Variants in ORC2 observed in about 807,000 individuals in gnomAD.
ORC2 encodes the protein origin recognition complex subunit 2.
Under a neutral mutation model 77.7 loss-of-function variants are expected in ORC2, and 37 were observed. That is an observed-to-expected ratio of 0.48 (90% CI 0.37 to 0.63). The LOEUF is 0.63. Ranked by LOEUF, ORC2 falls within the 20% of genes least tolerant of loss-of-function variation. The pLI, the probability that ORC2 is intolerant of heterozygous loss-of-function variation, is 0.00. For missense variants in ORC2, 557 were observed against 661.9 expected (o/e 0.84, Z 1.74); for synonymous variants, 201 against 229.5 (o/e 0.88, Z 1.12).
chr2:200,921,138 A>G lies in ORC2; in HGVS notation c.1149T>C (p.Asp383=). The G allele has an allele frequency of 6.4e-7, 1 of 1,573,476 alleles. No individual in the cohort carries two copies. The highest frequency in any genetic ancestry group is 8.6e-7 in the Non-Finnish European group (1 of 1,156,858). The change falls in exon 14 of 18, where the codon GAT becomes GAC. Residue 383 remains aspartate, a splice_region_variant and synonymous_variant. Transcript: ENST00000234296. ...LDWIVNKFKE[D]SSLELFLLIH... is the part of the protein sequence containing the mutation. ...TGAGAAGGAAGAGTTCTAAAGAAGA[A>G]TCTAAAAAGAAAAGAAATCCAATTA...
At chr2:200,913,479 C>A in intron 16 of ORC2, 66 bp from the exon 17 acceptor site, 1 of 1,490,392 alleles carries the variant, frequency 6.7e-7, no homozygotes, top group Admixed American at 2.1e-5. Flanking sequence ...TACAAACACC[C>A]ATACAAAAGA....
intron 2 of ORC2, 74 bp from the exon 3 acceptor site, chr2:200,958,207 T>C (rs2041508030): frequency 1.2e-6 from 1 of 810,962 alleles, no homozygotes; most frequent in Admixed American, 1.8e-5. Flanking sequence ...ATTCACATAA[T>C]GAATACATGT....
At chr2:200,926,701 C>A (rs778202240) in intron 12 of ORC2, 67 bp downstream of exon 12, 3 of 1,524,868 alleles carry the variant, frequency 2.0e-6, no homozygotes, top group Non-Finnish European at 1.8e-6. Context: ...ACTCCATCCT[C>A]ATTTATGTGG....
At chr2:200,959,104 C>T (rs2041523793) in intron 2 of ORC2, among the ~76,000 whole-genome samples, 1 of 152,178 alleles carries the variant, frequency 6.6e-6, no homozygotes, top group African/African-American at 2.4e-5. Flanking sequence ...CCATCTCAAC[C>T]TCTGAAGTAG....
chr2:200,950,957 C>T (rs915505308), intron 4 of ORC2, among the ~76,000 whole-genome samples: 8 of 152,134 alleles, frequency 5.3e-5, no homozygotes, highest in Non-Finnish European at 1.0e-4. Flanking sequence ...GGTTTCTTCT[C>T]AGAAAAAATA....
chr2:200,944,487 T>C (rs2041215802), intron 5 of ORC2, among the ~76,000 whole-genome samples: 1 of 152,116 alleles, frequency 6.6e-6, no homozygotes, highest in South Asian at 2.1e-4. Context: ...TAGTCATTTT[T>C]GTGAGCACAC....
chr2:200,917,109 C>G (rs755189738), intron 15 of ORC2, among the ~76,000 whole-genome samples: 5 of 151,598 alleles, frequency 3.3e-5, no homozygotes, highest in Non-Finnish European at 7.4e-5. Context: ...ATTCTCCCTC[C>G]TCAGCCTCCC....
chr2:200,911,152 C>G lies in ORC2; in HGVS notation c.*149G>C. On this transcript the variant is annotated 3_prime_UTR_variant, in exon 18 of 18. Coordinates refer to ENST00000234296, the MANE Select transcript of ORC2 (RefSeq NM_006190.5). ...TACCAGCCAGGCTGATCAAAAAGTT[C>G]TAATTGAGGACATCCCCCCCTTCCC... is the stretch of plus-strand genomic sequence containing the variant. 2 of 604,410 alleles carry G rather than the reference C, an allele frequency of 3.3e-6. No individual in the cohort carries two copies. The highest frequency in any genetic ancestry group is 2.9e-5 in the Admixed American group (1 of 35,022). 37.4% of individuals were successfully genotyped at this position (604,410 alleles called of 1,614,324 possible).
intron 1 of ORC2, among the ~76,000 whole-genome samples, chr2:200,961,850 A>C (rs1377532113): frequency 2.0e-5 from 3 of 152,220 alleles, no homozygotes; most frequent in Non-Finnish European, 2.9e-5. Flanking sequence ...AATCAAAGCA[A>C]AAAGCAAGTA....
chr2:200,956,884 TC>T (rs2041476509), intron 4 of ORC2, among the ~76,000 whole-genome samples: 2 of 152,092 alleles, frequency 1.3e-5, no homozygotes, highest in South Asian at 4.1e-4. Flanking sequence ...AAGCTAGAAG[TC>T]ATCATCCTCA....
In ORC2 at chr2:200,910,292, T is replaced by A. The variant is rs2040528256; in HGVS notation, c.*1009A>T. ...CAACAGTAGCCAAGGTGAGCCTTTT[T>A]TCTTTCCTAAGAAAAAAGTCTCGCG... is the stretch of plus-strand genomic sequence containing the variant. On this transcript the variant is annotated 3_prime_UTR_variant, in exon 18 of 18. Transcript: ENST00000234296. 6.6e-6 allele frequency: 1 copy of A among 152,138 alleles called. No individual in the cohort carries two copies. The highest frequency in any genetic ancestry group is 1.5e-5 in the Non-Finnish European group (1 of 68,024). The allele number at this position is 152,138 out of a possible 1,614,324, so 9.4% of individuals were successfully genotyped here.
In ORC2 at chr2:200,949,658, T is replaced by C. The variant is rs764288859; in HGVS notation, c.239-15A>G. 2.1e-6 allele frequency: 3 copies of C among 1,457,944 alleles called. No individual in the cohort carries two copies. Among genetic ancestry groups the C allele is most frequent in the Admixed American group, 1.9e-5 (1 of 53,564 alleles). 90.3% of individuals were successfully genotyped at this position (1,457,944 alleles called of 1,614,324 possible). Reference sequence around the variant, plus strand: ...TTTCAATGATTCTGAAAGAAAAAAATGCAATATACATTTAGGAAAAAAGAA... The same window carrying C: ...TTTCAATGATTCTGAAAGAAAAAAACGCAATATACATTTAGGAAAAAAGAA... On this transcript the variant is annotated splice_polypyrimidine_tract_variant and intron_variant, in intron 4 of 17. Coordinates refer to ENST00000234296, the MANE Select transcript of ORC2 (RefSeq NM_006190.5).
chr2:200,959,140 T>C (rs1412323263), intron 2 of ORC2, among the ~76,000 whole-genome samples: 1 of 152,148 alleles, frequency 6.6e-6, no homozygotes, highest in East Asian at 1.9e-4. Context: ...CATGCCACCA[T>C]GCTTGGCAGG....
chr2:200,958,077 A>T lies in ORC2; in HGVS notation c.47T>A (p.Phe16Tyr), dbSNP rs373996070. ...ATTAAGAACATCATCATCTCCCACA[A>T]AGTGAACCTCCAGCATCTTGTCTTC... is the stretch of plus-strand genomic sequence containing the variant. ...LKEDKMLEVH[F>Y]VGDDDVLNHI... Residue 16 changes from phenylalanine to tyrosine, a missense_variant, in exon 3 of 18, where the codon TTT becomes TAT. Transcript: ENST00000234296. The T allele has an allele frequency of 1.7e-5, 28 of 1,612,362 alleles. No individual in the cohort carries two copies. The African/African-American group carries it at 3.6e-4, about 21-fold the overall frequency.
At chr2:200,913,465 A>G in intron 16 of ORC2, 52 bp from the exon 17 acceptor site, 1 of 1,523,010 alleles carries the variant, frequency 6.6e-7, no homozygotes, top group Non-Finnish European at 8.8e-7. Flanking sequence ...GACATGACCC[A>G]ATATACAAAC....
At chr2:200,912,197 G>T (rs16835553) in intron 17 of ORC2, among the ~76,000 whole-genome samples, 1 of 152,070 alleles carries the variant, frequency 6.6e-6, no homozygotes, top group African/African-American at 2.4e-5. Flanking sequence ...CCTTTAGGTA[G>T]TACCCCAATG....
In ORC2 at chr2:200,954,126, G is replaced by A. The variant is rs963065899; in HGVS notation, c.238+3275C>T. ...TGGCTCATTGCAACCTCCATCTCCC[G>A]GGTTCAAGCGATTTTCCTGCCTCAG... On this transcript the variant is annotated intron_variant, in intron 4 of 17. Coordinates refer to ENST00000234296, the MANE Select transcript of ORC2 (RefSeq NM_006190.5). Among the ~76,000 whole-genome samples the A allele has an allele frequency of 1.1e-4, 16 of 151,242 alleles. No individual in the cohort carries two copies. In the South Asian group the frequency reaches 1.3e-3, roughly 12 times the overall value.
At chr2:200,923,296 T>C (rs2040788815) in intron 13 of ORC2, among the ~76,000 whole-genome samples, 2 of 152,340 alleles carry the variant, frequency 1.3e-5, no homozygotes, top group East Asian at 1.9e-4. Flanking sequence ...TTGCCCAGGC[T>C]GGAGTGCAGT....
At chr2:200,938,334 G>A (rs2041085304) in intron 7 of ORC2, among the ~76,000 whole-genome samples, 1 of 152,084 alleles carries the variant, frequency 6.6e-6, no homozygotes, top group South Asian at 2.1e-4. Flanking sequence ...CCGGCCCAAT[G>A]GAGTATTTTT....
Sources: allele counts gnomAD v4.1 joint callset (sites outside exome capture counted in the v4.1 genomes callset), GRCh38; gene constraint gnomAD v4.1.1; transcripts MANE v1.5; gene names NCBI Gene and HGNC (gene_info 2026-07-23, HGNC 2026-07-21).